Variants in FBXL17 observed in about 807,000 individuals in gnomAD.
FBXL17 encodes the protein F-box and leucine rich repeat protein 17, also known as F-box/LRR-repeat protein 17.
FBXL17 carries 22 observed loss-of-function variants against 66.2 expected under a neutral mutation model. The ratio of observed to expected loss-of-function variants is 0.33; its 90% CI spans 0.24 to 0.47. The LOEUF (loss-of-function observed/expected upper bound fraction) is 0.47, where lower values mean the gene tolerates loss of function less well. FBXL17 is among the 20% of genes least tolerant of loss of function. FBXL17 has a pLI of 1.00. For missense variants in FBXL17, 878 were observed against 948.2 expected (o/e 0.93, Z 0.97); for synonymous variants, 474 against 400.5 (o/e 1.18, Z -2.19).
At chr5:107,937,367 T>C (rs972192390) in intron 7 of FBXL17, among the ~76,000 whole-genome samples, 22 of 152,242 alleles carry the variant, frequency 1.4e-4, no homozygotes, top group African/African-American at 4.6e-4. Flanking sequence ...GTTAGACTGA[T>C]TTTTGTCCTC....
intron 4 of FBXL17, among the ~76,000 whole-genome samples, chr5:108,294,363 T>C (rs897344513): frequency 2.0e-5 from 3 of 151,180 alleles, no homozygotes; most frequent in African/African-American, 4.8e-5. Context: ...GATGAATTCT[T>C]CTTATTTTAT....
intron 6 of FBXL17, among the ~76,000 whole-genome samples, chr5:108,132,476 C>T (rs1210205564): frequency 6.6e-6 from 1 of 152,126 alleles, no homozygotes; most frequent in Non-Finnish European, 1.5e-5. Context: ...AAAATGAACA[C>T]TATTTAGGAA....
At chr5:108,028,827 G>A (rs549240869) in intron 6 of FBXL17, among the ~76,000 whole-genome samples, 1 of 152,222 alleles carries the variant, frequency 6.6e-6, no homozygotes, top group Non-Finnish European at 1.5e-5. Flanking sequence ...TTAAAGGAAT[G>A]GTTTCTCACT....
rs374494385 is a variant in FBXL17, at chr5:108,052,488, C to A, written c.1746-31487G>T. Among the ~76,000 whole-genome samples the A allele has an allele frequency of 2.3e-4, 35 of 152,282 alleles. No homozygotes were observed. The South Asian group carries it at 7.1e-3, about 31-fold the overall frequency. On this transcript the variant is annotated intron_variant, in intron 6 of 8. Coordinates refer to ENST00000542267, the MANE Select transcript of FBXL17 (RefSeq NM_001163315.3). The stretch of plus-strand genomic sequence containing the variant: ...ATCAAATACCTAGCAATACAGCTAA[C>A]AAGGGATGTGAAGGACCTCTTCAAG...
At chr5:108,378,344 TTG>T (rs1749597367) in intron 1 of FBXL17, among the ~76,000 whole-genome samples, 2 of 152,058 alleles carry the variant, frequency 1.3e-5, no homozygotes, top group African/African-American at 4.8e-5. Context: ...TTTTTTTGTT[TTG>T]TTTTGTTTTG....
chr5:108,060,821 C>T (rs904224216), intron 6 of FBXL17, among the ~76,000 whole-genome samples: 4 of 151,942 alleles, frequency 2.6e-5, no homozygotes, highest in Non-Finnish European at 5.9e-5. Flanking sequence ...TACATCAATC[C>T]GCACACCACC....
chr5:108,341,933 T>C (rs1746907737), intron 4 of FBXL17, among the ~76,000 whole-genome samples: 1 of 152,196 alleles, frequency 6.6e-6, no homozygotes, highest in Non-Finnish European at 1.5e-5. Flanking sequence ...TTACTATTTA[T>C]AGGATTTTCA....
chr5:108,053,229 C>T (rs1747551809), intron 6 of FBXL17, among the ~76,000 whole-genome samples: 1 of 151,868 alleles, frequency 6.6e-6, no homozygotes, highest in Admixed American at 6.6e-5. Flanking sequence ...ATCTGCACAG[C>T]AAAAGAAACT....
chr5:108,138,655 A>G (rs1751236326), intron 6 of FBXL17, among the ~76,000 whole-genome samples: 1 of 152,212 alleles, frequency 6.6e-6, no homozygotes, highest in Non-Finnish European at 1.5e-5. Context: ...TGAAGAAGTA[A>G]TGCATCATTC....
intron 6 of FBXL17, among the ~76,000 whole-genome samples, chr5:108,081,159 T>C (rs1675072347): frequency 6.6e-6 from 1 of 152,060 alleles, no homozygotes; most frequent in South Asian, 2.1e-4. Context: ...GTTTTTTCAG[T>C]CTTAAGATCT....
chr5:108,058,488 T>C (rs530446565), intron 6 of FBXL17, among the ~76,000 whole-genome samples: 2 of 152,008 alleles, frequency 1.3e-5, no homozygotes, highest in Non-Finnish European at 2.9e-5. Context: ...TTTCTTTCTT[T>C]CTTTTTCTTT....
chr5:108,009,970 A>G (rs963371060), intron 7 of FBXL17, among the ~76,000 whole-genome samples: 8 of 152,184 alleles, frequency 5.3e-5, no homozygotes, highest in Non-Finnish European at 1.0e-4. Flanking sequence ...GAGGAAATCT[A>G]CCGGTTTTCT....
intron 5 of FBXL17, among the ~76,000 whole-genome samples, chr5:108,206,196 C>A (rs1285310411): frequency 6.6e-6 from 1 of 152,094 alleles, no homozygotes; most frequent in African/African-American, 2.4e-5. Context: ...TCATTTGTCA[C>A]TAGAATCCTA....
intron 7 of FBXL17, among the ~76,000 whole-genome samples, chr5:108,003,128 G>A (rs928796589): frequency 2.6e-5 from 4 of 152,228 alleles, no homozygotes; most frequent in African/African-American, 9.6e-5. Context: ...CAGCTACCTT[G>A]AGGAAGCTTG....
intron 6 of FBXL17, among the ~76,000 whole-genome samples, chr5:108,126,664 C>CTCTGTCT (rs1561423141): frequency 9.3e-6 from 1 of 107,958 alleles, no homozygotes; most frequent in African/African-American, 3.2e-5. Context: ...TATATATATA[C>CTCTGTCT]ATATATATAT....
At chr5:108,051,572 G>A (rs950074580) in intron 6 of FBXL17, among the ~76,000 whole-genome samples, 1 of 152,066 alleles carries the variant, frequency 6.6e-6, no homozygotes, top group South Asian at 2.1e-4. Context: ...CAATAAACTA[G>A]ATATTGATGA....
intron 6 of FBXL17, among the ~76,000 whole-genome samples, chr5:108,174,151 A>T (rs1377184350): frequency 6.6e-6 from 1 of 152,158 alleles, no homozygotes; most frequent in Non-Finnish European, 1.5e-5. Flanking sequence ...TTCTAACTGA[A>T]AATTAGGATT....
intron 6 of FBXL17, among the ~76,000 whole-genome samples, chr5:108,029,863 T>G (rs1224499128): frequency 6.6e-6 from 1 of 152,018 alleles, no homozygotes; most frequent in African/African-American, 2.4e-5. Context: ...AATTCGAGAT[T>G]CCAGAAGAGG....
intron 4 of FBXL17, among the ~76,000 whole-genome samples, chr5:108,323,460 G>C (rs902288438): frequency 2.6e-5 from 4 of 151,782 alleles, no homozygotes; most frequent in African/African-American, 9.7e-5. Flanking sequence ...GACACAAATA[G>C]ATGGAAAGAA....
Sources: allele counts gnomAD v4.1 joint callset (sites outside exome capture counted in the v4.1 genomes callset), GRCh38; gene constraint gnomAD v4.1.1; transcripts MANE v1.5; gene names NCBI Gene and HGNC (gene_info 2026-07-23, HGNC 2026-07-21).